PDE3A: variants seen among roughly 807,000 people sequenced by gnomAD.
The protein encoded by PDE3A is cGMP-inhibited 3',5'-cyclic phosphodiesterase 3A.
Under a neutral mutation model 98.3 loss-of-function variants are expected in PDE3A, and 43 were observed. The ratio of observed to expected loss-of-function variants is 0.44; its 90% CI spans 0.34 to 0.56. The LOEUF (loss-of-function observed/expected upper bound fraction) is 0.56. Ranked by LOEUF, PDE3A falls within the 20% of genes least tolerant of loss-of-function variation. The pLI, the probability that PDE3A is intolerant of heterozygous loss-of-function variation, is 0.01. For synonymous variants in PDE3A, 663 were observed against 567.9 expected (o/e 1.17, Z -2.38); for missense variants, 1,427 against 1,440.7 (o/e 0.99, Z 0.15).
chr12:20,478,210 T>G (rs1257981710), intron 1 of PDE3A, among the ~76,000 whole-genome samples: 2 of 152,202 alleles, frequency 1.3e-5, no homozygotes, highest in Non-Finnish European at 2.9e-5. Flanking sequence ...TATTGACAGC[T>G]TGTCCCATGT....
At chr12:20,408,195 A>G (rs955984608) in intron 1 of PDE3A, among the ~76,000 whole-genome samples, 3 of 152,182 alleles carry the variant, frequency 2.0e-5, no homozygotes, top group Non-Finnish European at 4.4e-5. Context: ...TTGGGATTAC[A>G]GGCGTGAGCC....
At position 20,673,861 on chromosome 12, in the gene PDE3A, A is replaced by AAAAAAATAAAAATAAAAAT. The variant is rs1945559763; in HGVS notation, c.3185-6163_3185-6162insTAAAAATAAAAATAAAAAA. Among the ~76,000 whole-genome samples, 3 of 15,422 alleles carry AAAAAAATAAAAATAAAAAT rather than the reference A, an allele frequency of 1.9e-4. No individual in the cohort carries two copies. In the South Asian group the frequency reaches 7.7e-3, roughly 39 times the overall value. The allele number at this position is 15,422 out of a possible 152,430, so 10.1% of individuals were successfully genotyped here. On this transcript the variant is annotated intron_variant, in intron 15 of 15. Transcript: ENST00000359062. ...CTTAAAGTATAATAAAAATAAAAAT[A>AAAAAAATAAAAATAAAAAT]AAAAAAATAAAAATAAAAATAAAGA...
At chr12:20,615,253 C>G (rs1412477933) in intron 3 of PDE3A, among the ~76,000 whole-genome samples, 2 of 151,964 alleles carry the variant, frequency 1.3e-5, no homozygotes, top group African/African-American at 2.4e-5. Context: ...GGTGCTCATC[C>G]TAGTGATCCC....
chr12:20,657,643 G>C (rs1945073837), intron 15 of PDE3A, among the ~76,000 whole-genome samples: 1 of 152,088 alleles, frequency 6.6e-6, no homozygotes, highest in African/African-American at 2.4e-5. Flanking sequence ...CCTTTCAAAA[G>C]GTTCCAGTAC....
At chr12:20,553,993 AT>A (rs995137249) in intron 1 of PDE3A, among the ~76,000 whole-genome samples, 2 of 147,750 alleles carry the variant, frequency 1.4e-5, no homozygotes, top group South Asian at 2.2e-4. Context: ...TTTTTTTTTA[AT>A]TTTTTTTTCT....
chr12:20,522,932 C>T (rs1946455654), intron 1 of PDE3A, among the ~76,000 whole-genome samples: 1 of 151,764 alleles, frequency 6.6e-6, no homozygotes, highest in South Asian at 2.1e-4. Flanking sequence ...GGAAGGTTGG[C>T]ACTGGGAATA....
At chr12:20,612,682 A>T (rs1489385334) in intron 2 of PDE3A, among the ~76,000 whole-genome samples, 25 of 84 alleles carry the variant, frequency 0.3, 1 homozygote, top group African/African-American at 0.39. Context: ...TTATATAAGT[A>T]ACTATATATA....
intron 1 of PDE3A, among the ~76,000 whole-genome samples, chr12:20,482,646 T>G (rs1322697343): frequency 6.6e-6 from 1 of 152,224 alleles, no homozygotes; most frequent in African/African-American, 2.4e-5. Context: ...ACTTCTAACA[T>G]AAAAAGAGAA....
chr12:20,522,663 C>G (rs1195835743), intron 1 of PDE3A, among the ~76,000 whole-genome samples: 1 of 151,880 alleles, frequency 6.6e-6, no homozygotes, highest in Non-Finnish European at 1.5e-5. Context: ...ATTGTGATGT[C>G]TTTAGAAGGG....
Position 20,687,426 on chromosome 12 carries a change from TA to T in PDE3A, c.*7161del, listed in dbSNP as rs538841224. On this transcript the variant is annotated 3_prime_UTR_variant, in exon 16 of 16. Transcript: ENST00000359062. ...CTTAATACATATTTGTTCATCAGCT[TA>T]AAAAATCACTAAATTTTTTATACTC... Among the ~76,000 whole-genome samples, 2 of 152,082 alleles carry T rather than the reference TA, an allele frequency of 1.3e-5. No individual in the cohort carries two copies. Among genetic ancestry groups the T allele is most frequent in the Non-Finnish European group, 2.9e-5 (2 of 67,956 alleles).
chr12:20,397,005 TC>T (rs1195461213), intron 1 of PDE3A, among the ~76,000 whole-genome samples: 1 of 136,642 alleles, frequency 7.3e-6, no homozygotes, highest in Non-Finnish European at 1.7e-5. Context: ...GCTTAGGTTT[TC>T]TTATATAGAA....
intron 1 of PDE3A, among the ~76,000 whole-genome samples, chr12:20,545,708 C>T (rs533816872): frequency 6.6e-6 from 1 of 150,684 alleles, no homozygotes; most frequent in Admixed American, 6.6e-5. Flanking sequence ...AAAGCTGGGG[C>T]CAGTATGCTG....
chr12:20,516,226 T>C (rs1946321315), intron 1 of PDE3A, among the ~76,000 whole-genome samples: 1 of 152,162 alleles, frequency 6.6e-6, no homozygotes, highest in African/African-American at 2.4e-5. Flanking sequence ...GGATTTTGAG[T>C]ATTCATTTTG....
rs763311944 is a variant in PDE3A, at chr12:20,369,794, G to C, written c.510G>C (p.Gly170=). ...CGCTGCTGGCCGCCTGCTGCGGGGG[G>C]GAAGCGCTCGTCCAGATTGGGCTGG... ...AVALLAACCG[G]EALVQIGLGV... is the part of the protein sequence containing the mutation. Residue 170 remains glycine (G), a synonymous_variant, in exon 1 of 16, where the codon GGG becomes GGC. Transcript: ENST00000359062. 1 of 1,612,488 alleles carries C rather than the reference G, an allele frequency of 6.2e-7. No individual in the cohort carries two copies. Among genetic ancestry groups the C allele is most frequent in the Non-Finnish European group, 8.5e-7 (1 of 1,179,692 alleles).
intron 1 of PDE3A, among the ~76,000 whole-genome samples, chr12:20,491,898 ATGT>A (rs1212816229): frequency 2.6e-5 from 4 of 152,274 alleles, no homozygotes; most frequent in East Asian, 3.9e-4. Flanking sequence ...TAAAATTCAA[ATGT>A]TGTAGAACTA....
At chr12:20,528,466 G>A (rs1946566475) in intron 1 of PDE3A, among the ~76,000 whole-genome samples, 1 of 152,178 alleles carries the variant, frequency 6.6e-6, no homozygotes, top group Admixed American at 6.5e-5. Flanking sequence ...GAGAGCCAAG[G>A]TAAATGAATG....
chr12:20,659,348 A>T (rs1945108593), intron 15 of PDE3A, among the ~76,000 whole-genome samples: 1 of 152,200 alleles, frequency 6.6e-6, no homozygotes, highest in Non-Finnish European at 1.5e-5. Flanking sequence ...ATATCAAAAT[A>T]AAACTGTTAA....
chr12:20,401,227 A>T (rs550217247), intron 1 of PDE3A, among the ~76,000 whole-genome samples: 1 of 152,180 alleles, frequency 6.6e-6, no homozygotes, highest in East Asian at 1.9e-4. Flanking sequence ...CCCTACCCTC[A>T]TGCCATCTGA....
intron 1 of PDE3A, among the ~76,000 whole-genome samples, chr12:20,418,780 T>A (rs1420094331): frequency 1.3e-5 from 2 of 152,194 alleles, no homozygotes; most frequent in Admixed American, 6.5e-5. Flanking sequence ...TTAATGCTTT[T>A]ACATTTTACA....
Sources: gnomAD v4.1 joint callset for allele counts (sites outside exome capture counted in the v4.1 genomes callset) on GRCh38, gnomAD v4.1.1 for gene constraint, MANE v1.5 for transcripts, NCBI Gene and HGNC (gene_info 2026-07-23, HGNC 2026-07-21) for gene names.